The following AP3S2 variants were observed in gnomAD, a reference collection of about 807,000 sequenced individuals.
The protein encoded by AP3S2 is AP-3 complex subunit sigma-2.
In AP3S2, 22 loss-of-function variants were observed where a neutral mutation model predicts 23.4. The ratio of observed to expected loss-of-function variants is 0.94; its 90% CI spans 0.67 to 1.34. AP3S2 has a LOEUF of 1.34. Ranked by LOEUF, AP3S2 falls within the 40% of genes most tolerant of loss-of-function variation. The pLI is 0.00. For missense variants in AP3S2, 241 were observed against 236.9 expected (o/e 1.02, Z -0.11); for synonymous variants, 86 against 87.1 (o/e 0.99, Z 0.07).
intron 3 of AP3S2, among the ~76,000 whole-genome samples, chr15:89,879,506 A>G (rs1199702054): frequency 2.0e-5 from 3 of 152,264 alleles, no homozygotes; most frequent in African/African-American, 7.2e-5. Context: ...ATTATGGAAA[A>G]TCACACACCG....
chr15:89,860,843 A>G (rs936692637), intron 4 of AP3S2, among the ~76,000 whole-genome samples: 4 of 152,220 alleles, frequency 2.6e-5, no homozygotes, highest in African/African-American at 9.6e-5. Context: ...GCACATCCAG[A>G]TAGAGAAACA....
intron 3 of AP3S2, among the ~76,000 whole-genome samples, chr15:89,873,900 A>G (rs1393852487): frequency 7.1e-4 from 34 of 48,170 alleles, no homozygotes; most frequent in African/African-American, 2.7e-3. Flanking sequence ...TTTTTTTTTG[A>G]GACAAGGTCT....
intron 3 of AP3S2, among the ~76,000 whole-genome samples, chr15:89,887,142 G>A (rs1003534486): frequency 2.0e-5 from 3 of 152,056 alleles, no homozygotes; most frequent in Non-Finnish European, 4.4e-5. Context: ...ATCTGACTCA[G>A]GTTTTAAGAA....
At chr15:89,841,505 A>C (rs1895328770) in intron 4 of AP3S2, among the ~76,000 whole-genome samples, 1 of 152,180 alleles carries the variant, frequency 6.6e-6, no homozygotes, top group Admixed American at 6.5e-5. Flanking sequence ...CACCAAATTA[A>C]TTCCTTGTTT....
chr15:89,847,962 G>A (rs1895537250), intron 4 of AP3S2, among the ~76,000 whole-genome samples: 1 of 152,104 alleles, frequency 6.6e-6, no homozygotes, highest in South Asian at 2.1e-4. Flanking sequence ...TTCTGTATTG[G>A]GATGGCAGGA....
At chr15:89,880,413 A>G (rs1896542408) in intron 3 of AP3S2, among the ~76,000 whole-genome samples, 1 of 152,194 alleles carries the variant, frequency 6.6e-6, no homozygotes. Flanking sequence ...ATAAATAGCC[A>G]GGTGCAGTGG....
chr15:89,875,315 C>T (rs1896417236), intron 3 of AP3S2, among the ~76,000 whole-genome samples: 1 of 152,146 alleles, frequency 6.6e-6, no homozygotes, highest in Non-Finnish European at 1.5e-5. Context: ...TTATCCAGGA[C>T]AAGATGGACT....
Position 89,893,903 on chromosome 15 carries a change from A to G in AP3S2, c.47T>C (p.Leu16Pro). 1.3e-6 allele frequency: 2 copies of G among 1,551,758 alleles called. No homozygotes were observed. The highest frequency in any genetic ancestry group is 1.7e-6 in the Non-Finnish European group (2 of 1,147,004). ...CACGAAACGCTGGTAGAAGCGGACTAGCCGTGGCTTCCCATGGTTGTTGAA... is the reference window on the plus strand; with the variant it reads ...CACGAAACGCTGGTAGAAGCGGACTGGCCGTGGCTTCCCATGGTTGTTGAA... ...LVFNNHGKPRLVRFYQRFPEE... is the reference protein window; with the variant it reads ...LVFNNHGKPRPVRFYQRFPEE... Residue 16 changes from leucine to proline, a missense_variant, in exon 1 of 6, where the codon CTA becomes CCA. By Grantham distance (98) the Leu-to-Pro change is moderately conservative. Transcript: ENST00000336418.
intron 4 of AP3S2, among the ~76,000 whole-genome samples, chr15:89,848,176 G>C (rs1596191928): frequency 6.6e-6 from 1 of 152,180 alleles, no homozygotes; most frequent in African/African-American, 2.4e-5. Flanking sequence ...TCCTACTGTG[G>C]AGTCTTTCTC....
intron 3 of AP3S2, among the ~76,000 whole-genome samples, chr15:89,874,603 C>T (rs570121561): frequency 3.1e-4 from 47 of 152,076 alleles, no homozygotes; most frequent in Admixed American, 1.2e-3. Context: ...AGCAAAACAT[C>T]GTCTCCACAA....
intron 3 of AP3S2, among the ~76,000 whole-genome samples, chr15:89,875,080 C>G (rs906481319): frequency 6.6e-6 from 1 of 152,166 alleles, no homozygotes; most frequent in Non-Finnish European, 1.5e-5. Flanking sequence ...GGGTGCCATC[C>G]AGGCCCCCGG....
At chr15:89,864,789 G>A (rs998038805) in intron 4 of AP3S2, among the ~76,000 whole-genome samples, 1 of 152,008 alleles carries the variant, frequency 6.6e-6, no homozygotes, top group African/African-American at 2.4e-5. Flanking sequence ...TGACCCACTC[G>A]CCTCAGCCTC....
chr15:89,869,174 G>C (rs1281597033), intron 4 of AP3S2, among the ~76,000 whole-genome samples: 2 of 151,634 alleles, frequency 1.3e-5, no homozygotes, highest in African/African-American at 4.8e-5. Flanking sequence ...TGGTTGCCGT[G>C]TCTGTGTAGA....
At chr15:89,861,959 G>C (rs192719727) in intron 4 of AP3S2, among the ~76,000 whole-genome samples, 15 of 152,284 alleles carry the variant, frequency 9.9e-5, no homozygotes, top group African/African-American at 3.6e-4. Context: ...TTCAGGCAGA[G>C]AGTTGAGGCA....
At chr15:89,838,235 G>A (rs1196542477) in intron 4 of AP3S2, 1 of 156,262 alleles carries the variant, frequency 6.4e-6, no homozygotes, top group African/African-American at 2.4e-5. Flanking sequence ...CAACTGAAAT[G>A]AATGTCTTCC....
chr15:89,842,090 G>A (rs767515680), intron 4 of AP3S2, among the ~76,000 whole-genome samples: 6 of 152,030 alleles, frequency 3.9e-5, no homozygotes, highest in Non-Finnish European at 8.8e-5. Context: ...TGGCAGAACT[G>A]AGGAAAGAAG....
At chr15:89,880,411 C>G (rs936070322) in intron 3 of AP3S2, among the ~76,000 whole-genome samples, 2 of 152,060 alleles carry the variant, frequency 1.3e-5, no homozygotes, top group African/African-American at 4.8e-5. Flanking sequence ...CAATAAATAG[C>G]CAGGTGCAGT....
rs71151535 is a variant in AP3S2, at chr15:89,844,209, C to CTCTTTCTT, written c.346-6495_346-6488dup. Among the ~76,000 whole-genome samples, 101 of 129,206 alleles carry CTCTTTCTT rather than the reference C, an allele frequency of 7.8e-4. 1 individual carries two copies. The highest frequency in any genetic ancestry group is 2.1e-3 in the East Asian group (10 of 4,706). 84.8% of individuals were successfully genotyped at this position (129,206 alleles called of 152,430 possible). On this transcript the variant is annotated intron_variant, in intron 4 of 5. Coordinates refer to ENST00000336418, the MANE Select transcript of AP3S2 (RefSeq NM_005829.5). Reference sequence around the variant, plus strand: ...GCCAAAAAACCCTCTTTCTTTCTTTCTCTTTCTTTCTTTCTTTCTTTCTTT... The same window carrying CTCTTTCTT: ...GCCAAAAAACCCTCTTTCTTTCTTTCTCTTTCTTTCTTTCTTTCTTTCTTTCTTTCTTT...
At chr15:89,851,150 C>T (rs758145980) in intron 4 of AP3S2, among the ~76,000 whole-genome samples, 2 of 152,152 alleles carry the variant, frequency 1.3e-5, no homozygotes, top group Non-Finnish European at 2.9e-5. Context: ...AAAGATTAAA[C>T]ATGTACAGAA....
Sources: gnomAD v4.1 joint callset for allele counts (sites outside exome capture counted in the v4.1 genomes callset) on GRCh38, gnomAD v4.1.1 for gene constraint, MANE v1.5 for transcripts, NCBI Gene and HGNC (gene_info 2026-07-23, HGNC 2026-07-21) for gene names.